SAMD4A: variants seen among roughly 807,000 people sequenced by gnomAD.
SAMD4A encodes protein Smaug homolog 1.
A neutral mutation model predicts 81.3 loss-of-function variants in SAMD4A; 33 were observed. The observed-to-expected ratio is 0.41, with a 90% CI of 0.31 to 0.54. The LOEUF (loss-of-function observed/expected upper bound fraction) is 0.54. Among genes scored for constraint, SAMD4A ranks in the 20% least tolerant of loss-of-function variants. The pLI is 0.37. For missense variants in SAMD4A, 854 were observed against 951.1 expected (o/e 0.90, Z 1.34); for synonymous variants, 389 against 382.1 (o/e 1.02, Z -0.21).
intron 3 of SAMD4A, among the ~76,000 whole-genome samples, chr14:54,724,461 A>G (rs915154475): frequency 6.6e-6 from 1 of 152,164 alleles, no homozygotes; most frequent in Non-Finnish European, 1.5e-5. Flanking sequence ...ATGGAACAAC[A>G]TGTTTACACA....
chr14:54,678,626 G>A (rs962581295), intron 2 of SAMD4A, among the ~76,000 whole-genome samples: 2 of 150,650 alleles, frequency 1.3e-5, no homozygotes, highest in African/African-American at 4.9e-5. Context: ...ACGGCTCACT[G>A]CAAGCTCCGC....
At chr14:54,606,181 G>A (rs946208181) in intron 2 of SAMD4A, among the ~76,000 whole-genome samples, 1 of 128,888 alleles carries the variant, frequency 7.8e-6, no homozygotes, top group African/African-American at 2.9e-5. Flanking sequence ...CTTACTTCTG[G>A]GCTGTGTGTG....
chr14:54,723,990 T>C (rs2037329623), intron 3 of SAMD4A, among the ~76,000 whole-genome samples: 1 of 88,396 alleles, frequency 1.1e-5, no homozygotes. Context: ...TCAGCAAATA[T>C]TGGATGGATG....
At chr14:54,740,291 C>T (rs1024840194) in intron 4 of SAMD4A, among the ~76,000 whole-genome samples, 3 of 152,200 alleles carry the variant, frequency 2.0e-5, no homozygotes, top group African/African-American at 7.2e-5. Flanking sequence ...TGACCCAGGC[C>T]CTTTGGCAGG....
At chr14:54,710,296 A>G (rs2036957007) in intron 3 of SAMD4A, among the ~76,000 whole-genome samples, 1 of 152,192 alleles carries the variant, frequency 6.6e-6, no homozygotes, top group Non-Finnish European at 1.5e-5. Flanking sequence ...TAAATTAACA[A>G]TGATAGCACA....
At chr14:54,721,119 A>G (rs953661418) in intron 3 of SAMD4A, among the ~76,000 whole-genome samples, 2 of 152,154 alleles carry the variant, frequency 1.3e-5, no homozygotes, top group African/African-American at 4.8e-5. Context: ...TTGGCAGTCT[A>G]TTTTAATTGT....
At chr14:54,606,214 C>T (rs199701831) in intron 2 of SAMD4A, among the ~76,000 whole-genome samples, 2,682 of 63,206 alleles carry the variant, frequency 0.042, 51 homozygotes, top group African/African-American at 0.096. Context: ...TGTGTGTGTG[C>T]GTGCACGTGC....
At chr14:54,710,852 T>A (rs1257089288) in intron 3 of SAMD4A, among the ~76,000 whole-genome samples, 1 of 152,258 alleles carries the variant, frequency 6.6e-6, no homozygotes, top group Non-Finnish European at 1.5e-5. Flanking sequence ...TTTATCCGTA[T>A]TTCCCAGCAC....
At chr14:54,777,873 A>G (rs1330731896) in intron 11 of SAMD4A, among the ~76,000 whole-genome samples, 3 of 152,222 alleles carry the variant, frequency 2.0e-5, no homozygotes, top group Non-Finnish European at 2.9e-5. Flanking sequence ...ATATAACAAT[A>G]TAATTACACA....
rs1177033061 is a variant in SAMD4A, at chr14:54,702,047, T to TG, written c.197-15_197-14insG. 1 of 1,612,522 alleles carries TG rather than the reference T, an allele frequency of 6.2e-7. No individual in the cohort carries two copies. Among genetic ancestry groups the TG allele is most frequent in the Non-Finnish European group, 8.5e-7 (1 of 1,179,018 alleles). ...GGTGTATTTGCTTATTTGCCGTGTA[T>TG]ATTTCCCTTTTCAGGAATCATTAAC... On this transcript the variant is annotated splice_polypyrimidine_tract_variant and intron_variant, in intron 2 of 12. Transcript: ENST00000554335.
intron 2 of SAMD4A, among the ~76,000 whole-genome samples, chr14:54,615,099 C>T (rs1284487645): frequency 6.6e-6 from 1 of 152,186 alleles, no homozygotes; most frequent in Non-Finnish European, 1.5e-5. Flanking sequence ...GACAAGTTCA[C>T]CTGGAACCTT....
At chr14:54,661,952 T>A (rs78449699) in intron 2 of SAMD4A, among the ~76,000 whole-genome samples, 1 of 150,918 alleles carries the variant, frequency 6.6e-6, no homozygotes, top group African/African-American at 2.4e-5. Context: ...AAAAAAAAAA[T>A]ATGTTGAGCA....
Position 54,618,183 on chromosome 14 carries a change from A to T in SAMD4A, c.196+50071A>T, listed in dbSNP as rs536239835. 2.6e-5 allele frequency among the ~76,000 whole-genome samples: 4 copies of T among 152,302 alleles called. No homozygotes were observed. The East Asian group carries it at 7.7e-4, about 29-fold the overall frequency. On this transcript the variant is annotated intron_variant, in intron 2 of 12. Transcript: ENST00000554335. ...GGCATGGAGCTATATGGTATTGCTG[A>T]TGTACTTTATTTCCAGTGGTGTGCT...
intron 2 of SAMD4A, among the ~76,000 whole-genome samples, chr14:54,626,018 GTGTGTGTGTGT>G (rs2034738780): frequency 2.9e-5 from 1 of 34,552 alleles, no homozygotes; most frequent in African/African-American, 1.1e-4. Flanking sequence ...ACTGCTAGGT[GTGTGTGTGTGT>G]GTGTGTGTGT....
intron 4 of SAMD4A, among the ~76,000 whole-genome samples, chr14:54,747,103 G>T (rs1221275384): frequency 6.6e-6 from 1 of 152,200 alleles, no homozygotes; most frequent in Non-Finnish European, 1.5e-5. Context: ...GATGTAAGGG[G>T]TTAGTATGAT....
intron 2 of SAMD4A, among the ~76,000 whole-genome samples, chr14:54,674,743 G>C (rs1231274432): frequency 6.6e-6 from 1 of 152,138 alleles, no homozygotes; most frequent in Non-Finnish European, 1.5e-5. Context: ...AAGTGGGCTA[G>C]GGAAAGATTT....
In SAMD4A at chr14:54,789,004, C is replaced by A. The variant is rs577986242; in HGVS notation, c.*60C>A. The A allele has an allele frequency of 6.3e-7, 1 of 1,575,012 alleles. No homozygotes were observed. Among genetic ancestry groups the A allele is most frequent in the Non-Finnish European group, 8.7e-7 (1 of 1,144,494 alleles). ...AATCGACTGCTGCGGGTCCAGTGTC[C>A]GCCATCTTCAGGGTTGCACAGAATC... is the stretch of plus-strand genomic sequence containing the variant. On this transcript the variant is annotated 3_prime_UTR_variant, in exon 13 of 13. Coordinates refer to ENST00000554335, the MANE Select transcript of SAMD4A (RefSeq NM_015589.6).
chr14:54,666,122 G>A (rs1273015287), intron 2 of SAMD4A, among the ~76,000 whole-genome samples: 1 of 152,162 alleles, frequency 6.6e-6, no homozygotes, highest in Non-Finnish European at 1.5e-5. Context: ...CCCCAGCTAT[G>A]GGAATGAGGC....
intron 2 of SAMD4A, among the ~76,000 whole-genome samples, chr14:54,647,230 G>T (rs1303089316): frequency 1.3e-5 from 2 of 152,090 alleles, no homozygotes; most frequent in African/African-American, 4.8e-5. Context: ...TTAATGAGTG[G>T]TCATTATGAA....
Sources: gnomAD v4.1 joint callset for allele counts (sites outside exome capture counted in the v4.1 genomes callset) on GRCh38, gnomAD v4.1.1 for gene constraint, MANE v1.5 for transcripts, NCBI Gene and HGNC (gene_info 2026-07-23, HGNC 2026-07-21) for gene names.